The following IFT80 variants were observed in gnomAD, a reference collection of about 807,000 sequenced individuals.
The protein encoded by IFT80 is intraflagellar transport protein 80 homolog.
Under a neutral mutation model 107.9 loss-of-function variants are expected in IFT80, and 79 were observed. That is an observed-to-expected ratio of 0.73 (90% CI 0.61 to 0.88). The LOEUF is 0.88. IFT80 is among the 40% of genes least tolerant of loss of function. The pLI, the probability that IFT80 is intolerant of heterozygous loss-of-function variation, is 0.00. For missense variants in IFT80, 797 were observed against 914.2 expected, an observed-to-expected ratio of 0.87 and a Z score of 1.65; for synonymous variants, 299 against 300.9, an observed-to-expected ratio of 0.99 and a Z score of 0.07.
intron 19 of IFT80, among the ~76,000 whole-genome samples, chr3:160,260,366 C>T (rs1385031260): frequency 3.3e-5 from 5 of 152,152 alleles, no homozygotes; most frequent in Non-Finnish European, 4.4e-5. Context: ...TAACAAAACA[C>T]TTATAGAGAA....
chr3:160,394,373 T>C (rs1713614943), intron 1 of IFT80: 1 of 152,060 alleles, frequency 6.6e-6, no homozygotes, highest in Admixed American at 6.5e-5. Context: ...CAAATTTGTG[T>C]TGGGCTGCAT....
intron 9 of IFT80, among the ~76,000 whole-genome samples, 157 bp from the exon 10 acceptor site, chr3:160,307,938 T>C (rs777060086): frequency 5.3e-5 from 8 of 152,106 alleles, no homozygotes; most frequent in Non-Finnish European, 8.8e-5. Context: ...TAAGATAGTA[T>C]ACCTAATATT....
chr3:160,306,361 G>A (rs542870229), intron 10 of IFT80, among the ~76,000 whole-genome samples: 1 of 152,038 alleles, frequency 6.6e-6, no homozygotes, highest in Non-Finnish European at 1.5e-5. Flanking sequence ...AGTTATTATG[G>A]GGAAGTTAAG....
rs554970451 is a variant in IFT80, at chr3:160,389,795, G to A, written c.-46-5149C>T. Among the ~76,000 whole-genome samples the A allele has an allele frequency of 3.9e-5, 6 of 152,194 alleles. No homozygotes were observed. In the East Asian group the frequency reaches 9.7e-4, roughly 25 times the overall value. ...GAATAGTGCTACAATAAACATACGTGTGCATGTGTCTTTATAGCAGCATGA... is the reference window on the plus strand; with the variant it reads ...GAATAGTGCTACAATAAACATACGTATGCATGTGTCTTTATAGCAGCATGA... On this transcript the variant is annotated intron_variant, in intron 1 of 19. Transcript: ENST00000326448.
intron 18 of IFT80, among the ~76,000 whole-genome samples, chr3:160,276,378 CAG>C (rs923308484): frequency 1.3e-5 from 2 of 152,008 alleles, no homozygotes; most frequent in African/African-American, 4.8e-5. Context: ...AAGGGAAAGA[CAG>C]AGATAAAATA....
At chr3:160,339,137 A>G (rs970896061) in intron 8 of IFT80, among the ~76,000 whole-genome samples, 1 of 152,208 alleles carries the variant, frequency 6.6e-6, no homozygotes, top group African/African-American at 2.4e-5. Flanking sequence ...ATATTTACAT[A>G]TGTAAAAAAT....
At chr3:160,273,018 TGGG>T (rs961089509) in intron 18 of IFT80, among the ~76,000 whole-genome samples, 27 of 152,172 alleles carry the variant, frequency 1.8e-4, no homozygotes, top group African/African-American at 6.5e-4. Flanking sequence ...TTTGGTATCC[TGGG>T]GGTCCTGGAA....
chr3:160,303,958 C>G lies in IFT80; in HGVS notation c.1108G>C (p.Asp370His). 11 of 1,611,428 alleles carry G rather than the reference C, an allele frequency of 6.8e-6. No individual in the cohort carries two copies. The highest frequency in any genetic ancestry group is 8.5e-6 in the Non-Finnish European group (10 of 1,177,960). ...AAACTAACAGTTCCTTCTTTGAGAT[C>G]AAATATAATTGGTGTGTTCCAGTTC... ...TKNWNTPIIF[D>H]LKEGTVSLIL... The change falls in exon 11 of 20, where the codon GAT becomes CAT. Residue 370 changes from aspartate (D) to histidine (H), a missense_variant. Asp to His is a moderately conservative substitution (Grantham distance 81). Transcript: ENST00000326448.
intron 1 of IFT80, among the ~76,000 whole-genome samples, chr3:160,397,055 T>A (rs1457599246): frequency 6.6e-6 from 1 of 152,214 alleles, no homozygotes; most frequent in Non-Finnish European, 1.5e-5. Context: ...GACTTATCGT[T>A]CTTCCTATAC....
At chr3:160,369,184 C>T (rs1722066779) in intron 5 of IFT80, among the ~76,000 whole-genome samples, 1 of 151,802 alleles carries the variant, frequency 6.6e-6, no homozygotes, top group Non-Finnish European at 1.5e-5. Flanking sequence ...ACAGGTATAA[C>T]TTATATAATA....
At chr3:160,347,247 T>C (rs1428256957) in intron 8 of IFT80, among the ~76,000 whole-genome samples, 2 of 152,078 alleles carry the variant, frequency 1.3e-5, no homozygotes, top group Admixed American at 1.3e-4. Flanking sequence ...TAAGCAAAAA[T>C]GCCACAATGC....
intron 8 of IFT80, among the ~76,000 whole-genome samples, chr3:160,349,439 A>C (rs931449833): frequency 6.6e-6 from 1 of 151,060 alleles, no homozygotes; most frequent in Non-Finnish European, 1.5e-5. Flanking sequence ...ACAGAGCTAG[A>C]CTCCCTCTCA....
At chr3:160,341,873 G>A (rs910112302) in intron 8 of IFT80, among the ~76,000 whole-genome samples, 3 of 152,104 alleles carry the variant, frequency 2.0e-5, no homozygotes, top group Non-Finnish European at 2.9e-5. Context: ...CTGGCTTCTG[G>A]AAGGTATCCC....
chr3:160,300,592 C>T (rs1266434057), intron 12 of IFT80, among the ~76,000 whole-genome samples: 1 of 152,076 alleles, frequency 6.6e-6, no homozygotes, highest in Non-Finnish European at 1.5e-5. Context: ...TTTAGGACCA[C>T]AACATTAAGT....
At chr3:160,303,422 T>G (rs1716587850) in intron 11 of IFT80, among the ~76,000 whole-genome samples, 1 of 152,158 alleles carries the variant, frequency 6.6e-6, no homozygotes, top group African/African-American at 2.4e-5. Context: ...TTTTCAAACT[T>G]CAGGTCACAG....
intron 8 of IFT80, among the ~76,000 whole-genome samples, chr3:160,324,713 C>A (rs996330960): frequency 1.3e-5 from 2 of 152,126 alleles, no homozygotes; most frequent in African/African-American, 4.8e-5. Context: ...CCTTTGAAAA[C>A]GGGCACAGGA....
At chr3:160,372,902 A>G (rs1488166016) in intron 5 of IFT80, among the ~76,000 whole-genome samples, 1 of 152,160 alleles carries the variant, frequency 6.6e-6, no homozygotes, top group Non-Finnish European at 1.5e-5. Flanking sequence ...ATGGGAGGGC[A>G]GTGAGAGGAA....
chr3:160,284,911 G>A (rs1375239300), intron 13 of IFT80, among the ~76,000 whole-genome samples: 1 of 152,178 alleles, frequency 6.6e-6, no homozygotes, highest in Non-Finnish European at 1.5e-5. Flanking sequence ...ATATATAAGA[G>A]ATTAATAATA....
At chr3:160,322,763 G>C (rs1718349066) in intron 8 of IFT80, among the ~76,000 whole-genome samples, 1 of 152,142 alleles carries the variant, frequency 6.6e-6, no homozygotes, top group Non-Finnish European at 1.5e-5. Flanking sequence ...TTGTGCTTTT[G>C]ATTTGCATTT....
Sources: gnomAD v4.1 joint callset for allele counts (sites outside exome capture counted in the v4.1 genomes callset) on GRCh38, gnomAD v4.1.1 for gene constraint, MANE v1.5 for transcripts, NCBI Gene and HGNC (gene_info 2026-07-23, HGNC 2026-07-21) for gene names.